Variants in PRKN observed in about 807,000 individuals in gnomAD.
The protein encoded by PRKN is E3 ubiquitin-protein ligase parkin.
In PRKN, 56 loss-of-function variants were observed where a neutral mutation model predicts 59.5. The observed-to-expected ratio is 0.94, with a 90% CI of 0.76 to 1.18. The LOEUF (loss-of-function observed/expected upper bound fraction) is 1.18. Among genes scored for constraint, PRKN ranks in the 50% most tolerant of loss-of-function variants. The pLI is 0.00. For missense variants in PRKN, 657 were observed against 596.4 expected, an observed-to-expected ratio of 1.10 and a Z score of -1.06; for synonymous variants, 250 against 222.1, an observed-to-expected ratio of 1.13 and a Z score of -1.12.
chr6:161,694,618 G>A (rs180983104), intron 7 of PRKN, among the ~76,000 whole-genome samples: 7 of 152,016 alleles, frequency 4.6e-5, no homozygotes, highest in East Asian at 1.9e-4. Context: ...CCCAATACTC[G>A]GTTTTGACTA....
intron 4 of PRKN, among the ~76,000 whole-genome samples, chr6:162,165,414 T>C (rs1439273946): frequency 2.0e-5 from 3 of 149,448 alleles, no homozygotes; most frequent in South Asian, 2.1e-4. Flanking sequence ...ATACACCTGA[T>C]AAAGTACTGA....
chr6:162,472,816 A>ATATATATATATATATATATATATATC (rs1480831944), intron 1 of PRKN, among the ~76,000 whole-genome samples: 19 of 144,232 alleles, frequency 1.3e-4, no homozygotes, highest in Admixed American at 3.5e-4. Context: ...ATATATATAT[A>ATATATATATATATATATATATATATC]TCTTAGTAGA....
intron 7 of PRKN, among the ~76,000 whole-genome samples, chr6:161,777,838 G>A (rs1325950894): frequency 4.5e-5 from 6 of 132,114 alleles, no homozygotes; most frequent in South Asian, 4.7e-4. Context: ...ATATGTATAC[G>A]TATATATGTA....
chr6:161,456,621 A>ATCCAT lies in PRKN; in HGVS notation c.1084-69745_1084-69744insATGGA, dbSNP rs149404300. Among the ~76,000 whole-genome samples, 17,929 of 152,140 alleles carry ATCCAT rather than the reference A, an allele frequency of 0.12. 1,254 individuals are homozygous for ATCCAT. The highest frequency in any genetic ancestry group is 0.17 in the African/African-American group (6,938 of 41,500). ...TCCCTCTAGAGAACCCTGACTAATA[A>ATCCAT]TCTCCCACATCACCAGCTTGAATCC... is the stretch of plus-strand genomic sequence containing the variant. On this transcript the variant is annotated intron_variant, in intron 9 of 11. Coordinates refer to ENST00000366898, the MANE Select transcript of PRKN (RefSeq NM_004562.3). This position sits in a 1 kb window ranked among gnomAD's most constrained non-coding sequence, Gnocchi z 4.8.
intron 9 of PRKN, among the ~76,000 whole-genome samples, chr6:161,517,029 T>C (rs1421914287): frequency 1.3e-5 from 2 of 152,122 alleles, no homozygotes; most frequent in Non-Finnish European, 2.9e-5. Flanking sequence ...TATAGTATTA[T>C]AGAGTTTATA....
intron 6 of PRKN, among the ~76,000 whole-genome samples, chr6:161,840,175 C>T (rs1325125671): frequency 1.3e-5 from 2 of 152,186 alleles, no homozygotes; most frequent in African/African-American, 2.4e-5. Context: ...TAAAGAAACC[C>T]GTAGGCTCGT....
intron 7 of PRKN, among the ~76,000 whole-genome samples, chr6:161,590,613 A>C (rs1781685324): frequency 6.6e-6 from 1 of 152,008 alleles, no homozygotes; most frequent in Non-Finnish European, 1.5e-5. Context: ...CACGCCTGTA[A>C]TCCCAGCTAC....
chr6:161,972,611 T>C (rs1780862534), intron 6 of PRKN, among the ~76,000 whole-genome samples: 1 of 152,228 alleles, frequency 6.6e-6, no homozygotes, highest in African/African-American at 2.4e-5. Context: ...CTTGCTTTCA[T>C]TTTGAGTGCA....
chr6:162,489,166 A>T (rs1221743890), intron 1 of PRKN, among the ~76,000 whole-genome samples: 3 of 152,158 alleles, frequency 2.0e-5, no homozygotes, highest in Non-Finnish European at 4.4e-5. Context: ...AGAACAACCT[A>T]ATAATCTATG....
chr6:162,146,613 T>C (rs1782039739), intron 4 of PRKN, among the ~76,000 whole-genome samples: 1 of 152,002 alleles, frequency 6.6e-6, no homozygotes, highest in South Asian at 2.1e-4. Context: ...CAAGTGATTC[T>C]CCCATCTCAG....
chr6:162,430,445 T>G (rs1260734941), intron 2 of PRKN, among the ~76,000 whole-genome samples: 1 of 152,150 alleles, frequency 6.6e-6, no homozygotes, highest in Admixed American at 6.5e-5. Flanking sequence ...GTGGACATAT[T>G]TGTACACTGT....
chr6:162,707,963 C>A (rs954429442), intron 1 of PRKN, among the ~76,000 whole-genome samples: 14 of 152,176 alleles, frequency 9.2e-5, no homozygotes, highest in Non-Finnish European at 1.6e-4. Flanking sequence ...GATCTGCCCA[C>A]CTTGGCCTCC....
chr6:161,515,932 G>C (rs1033929129), intron 9 of PRKN, among the ~76,000 whole-genome samples: 1 of 152,154 alleles, frequency 6.6e-6, no homozygotes, highest in Non-Finnish European at 1.5e-5. Context: ...TTCTGGCAAA[G>C]GAGAAAATTT....
intron 1 of PRKN, among the ~76,000 whole-genome samples, chr6:162,501,247 A>T (rs1207190839): frequency 6.6e-6 from 1 of 152,046 alleles, no homozygotes; most frequent in Non-Finnish European, 1.5e-5. Context: ...TGGATCAGTG[A>T]GGGTTGATGG....
intron 1 of PRKN, among the ~76,000 whole-genome samples, chr6:162,579,814 G>C (rs990256269): frequency 2.0e-5 from 3 of 152,000 alleles, no homozygotes; most frequent in African/African-American, 7.3e-5. Context: ...CACAATTATT[G>C]GGCTTATATT....
chr6:161,542,206 T>A (rs553995147), intron 9 of PRKN, among the ~76,000 whole-genome samples: 2 of 152,358 alleles, frequency 1.3e-5, no homozygotes, highest in Admixed American at 6.5e-5. Context: ...TAGTATATAA[T>A]ACATGTGACA....
intron 1 of PRKN, among the ~76,000 whole-genome samples, chr6:162,671,497 C>CAAAAAAAAAAAA: frequency 9.0e-6 from 1 of 111,668 alleles, no homozygotes; most frequent in Non-Finnish European, 1.9e-5. Context: ...GACTCTGTCT[C>CAAAAAAAAAAAA]AAAAAAAAAA....
intron 6 of PRKN, among the ~76,000 whole-genome samples, chr6:161,804,734 T>C (rs1791236608): frequency 6.6e-6 from 1 of 152,232 alleles, no homozygotes; most frequent in African/African-American, 2.4e-5. Flanking sequence ...TCTGCAACAA[T>C]AATAACCACA....
chr6:162,240,380 T>A (rs963039203), intron 3 of PRKN, among the ~76,000 whole-genome samples: 1 of 152,150 alleles, frequency 6.6e-6, no homozygotes, highest in Non-Finnish European at 1.5e-5. Context: ...GCATGCCCTA[T>A]GTGTGGACTG....
Sources: gnomAD v4.1 joint callset for allele counts (sites outside exome capture counted in the v4.1 genomes callset) on GRCh38, gnomAD v4.1.1 for gene constraint, Gnocchi (gnomAD v3.1) non-coding constraint, MANE v1.5 for transcripts, NCBI Gene and HGNC (gene_info 2026-07-23, HGNC 2026-07-21) for gene names.